Variants in RIMS2 observed in about 807,000 individuals in gnomAD.
The protein encoded by RIMS2 is regulating synaptic membrane exocytosis protein 2.
A neutral mutation model predicts 174.4 loss-of-function variants in RIMS2; 59 were observed. The observed-to-expected ratio is 0.34, with a 90% CI of 0.27 to 0.42. The LOEUF (loss-of-function observed/expected upper bound fraction) is 0.42, where lower values mean the gene tolerates loss of function less well. Among genes scored for constraint, RIMS2 ranks in the 10% least tolerant of loss-of-function variants. RIMS2 has a pLI of 1.00. For synonymous variants in RIMS2, 606 were observed against 572.5 expected, an observed-to-expected ratio of 1.06 and a Z score of -0.84; for missense variants, 1,620 against 1,666.3, an observed-to-expected ratio of 0.97 and a Z score of 0.48.
chr8:103,811,635 G>A (rs1234824316), intron 3 of RIMS2, among the ~76,000 whole-genome samples: 5 of 151,966 alleles, frequency 3.3e-5, no homozygotes, highest in African/African-American at 1.2e-4. Context: ...TAATAGAGAC[G>A]GGGTTTCACC....
intron 1 of RIMS2, among the ~76,000 whole-genome samples, chr8:103,630,845 A>G (rs1460797185): frequency 6.6e-6 from 1 of 152,142 alleles, no homozygotes; most frequent in Non-Finnish European, 1.5e-5. Context: ...ACAGCCCAAA[A>G]TATCATTCTA....
intron 1 of RIMS2, among the ~76,000 whole-genome samples, chr8:103,553,257 T>C (rs1848872108): frequency 6.6e-6 from 1 of 152,214 alleles, no homozygotes; most frequent in South Asian, 2.1e-4. Flanking sequence ...CATGGAATAC[T>C]GTGCAGCCAT....
intron 3 of RIMS2, among the ~76,000 whole-genome samples, chr8:103,850,059 A>G (rs887840739): frequency 1.3e-5 from 2 of 152,014 alleles, no homozygotes; most frequent in South Asian, 4.1e-4. Flanking sequence ...TAGAAGGAAA[A>G]CAATATTGAA....
intron 2 of RIMS2, among the ~76,000 whole-genome samples, chr8:103,744,703 G>A (rs908984232): frequency 2.6e-5 from 4 of 151,916 alleles, no homozygotes; most frequent in Non-Finnish European, 5.9e-5. Flanking sequence ...CTAACCTGAA[G>A]AGGAGAGACA....
intron 1 of RIMS2, among the ~76,000 whole-genome samples, chr8:103,632,835 G>A (rs1306368002): frequency 7.3e-6 from 1 of 136,062 alleles, no homozygotes; most frequent in African/African-American, 2.8e-5. Flanking sequence ...CTGGGTTCAC[G>A]CCATTCTCCT....
rs183604177 is a variant in RIMS2, at chr8:103,514,965, C to A, written c.176+13903C>A. On this transcript the variant is annotated intron_variant, in intron 1 of 23. Transcript: ENST00000504942. ...AAAACACACACAAAACAAAAAACTT[C>A]ATTTTTTTCTGATTGATGGAAACTG... Among the ~76,000 whole-genome samples the A allele has an allele frequency of 2.0e-5, 3 of 152,044 alleles. No individual in the cohort carries two copies. In the East Asian group the frequency reaches 5.8e-4, roughly 29 times the overall value.
At chr8:103,638,381 C>G (rs1009372222) in intron 1 of RIMS2, among the ~76,000 whole-genome samples, 3 of 152,042 alleles carry the variant, frequency 2.0e-5, no homozygotes, top group Non-Finnish European at 4.4e-5. Context: ...CTGTGATGCT[C>G]TAATGATGAC....
chr8:103,655,713 T>C (rs888415433), intron 1 of RIMS2, among the ~76,000 whole-genome samples: 2 of 152,102 alleles, frequency 1.3e-5, no homozygotes, highest in South Asian at 2.1e-4. Flanking sequence ...GGGAACATGA[T>C]ATGTGAGAGT....
chr8:103,834,709 TTTCTTTCTTTC>T (rs2098851312), intron 3 of RIMS2, among the ~76,000 whole-genome samples: 1 of 133,240 alleles, frequency 7.5e-6, no homozygotes. Context: ...TCTTTCTTTC[TTTCTTTCTTTC>T]TTTCTTTCTT....
chr8:103,502,053 C>T (rs577995390), intron 1 of RIMS2, among the ~76,000 whole-genome samples: 1 of 152,322 alleles, frequency 6.6e-6, no homozygotes, highest in East Asian at 1.9e-4. Context: ...AGAGGTTATT[C>T]AGAAGATGTG....
At chr8:103,766,352 A>C in exon 3 of RIMS2, 1 of 1,613,852 alleles carries the variant, frequency 6.2e-7, no homozygotes, top group Non-Finnish European at 8.5e-7. Context: ...GAGGGCTAAG[A>C]AATGAGGAGG....
intron 3 of RIMS2, among the ~76,000 whole-genome samples, chr8:103,827,771 G>T (rs937012708): frequency 6.6e-6 from 1 of 152,084 alleles, no homozygotes; most frequent in African/African-American, 2.4e-5. Flanking sequence ...GGAGGCAGAG[G>T]TTGCAGTGAG....
At chr8:103,809,006 A>G (rs1484378934) in intron 3 of RIMS2, among the ~76,000 whole-genome samples, 1 of 152,186 alleles carries the variant, frequency 6.6e-6, no homozygotes. Flanking sequence ...AGCAAAACAC[A>G]TAATTATTCA....
intron 3 of RIMS2, among the ~76,000 whole-genome samples, chr8:103,833,673 T>C (rs1379584190): frequency 6.6e-6 from 1 of 152,102 alleles, no homozygotes; most frequent in Non-Finnish European, 1.5e-5. Flanking sequence ...CAATATTTTA[T>C]ATTTTGTTCT....
At chr8:103,636,786 GC>G (rs2096087609) in intron 1 of RIMS2, among the ~76,000 whole-genome samples, 4 of 27,178 alleles carry the variant, frequency 1.5e-4, no homozygotes, top group African/African-American at 1.6e-4. Context: ...ACCCACCCCC[GC>G]ACCCCCCCCC....
At chr8:104,060,697 A>G (rs140493203) in intron 19 of RIMS2, among the ~76,000 whole-genome samples, 37,466 of 151,884 alleles carry the variant, frequency 0.25, 4,889 homozygotes, top group South Asian at 0.35. Context: ...GCTTTCTATT[A>G]TGGGCATTTA....
intron 19 of RIMS2, among the ~76,000 whole-genome samples, chr8:104,122,429 A>C (rs1443016654): frequency 6.6e-6 from 1 of 152,142 alleles, no homozygotes; most frequent in Non-Finnish European, 1.5e-5. Context: ...GATCTTATAC[A>C]AAGCAGTTCA....
chr8:104,102,377 T>A (rs1388553026), intron 19 of RIMS2, among the ~76,000 whole-genome samples: 1 of 152,192 alleles, frequency 6.6e-6, no homozygotes, highest in African/African-American at 2.4e-5. Flanking sequence ...ATTTCTTCCC[T>A]CCATTCACCA....
intron 19 of RIMS2, among the ~76,000 whole-genome samples, chr8:104,135,850 T>G (rs567892361): frequency 1.3e-5 from 2 of 152,202 alleles, no homozygotes; most frequent in East Asian, 3.9e-4. Flanking sequence ...GGGCTCAAGG[T>G]TCTCAAAATG....
Sources: gnomAD v4.1 joint callset for allele counts (sites outside exome capture counted in the v4.1 genomes callset) on GRCh38, gnomAD v4.1.1 for gene constraint, MANE v1.5 for transcripts, NCBI Gene and HGNC (gene_info 2026-07-23, HGNC 2026-07-21) for gene names.